The following RBFOX1 variants were observed in gnomAD, a reference collection of about 807,000 sequenced individuals.
RBFOX1 encodes RNA binding protein fox-1 homolog 1.
In RBFOX1, 8 loss-of-function variants were observed where a neutral mutation model predicts 57.7. The ratio of observed to expected loss-of-function variants is 0.14; its 90% CI spans 0.08 to 0.25. The LOEUF (loss-of-function observed/expected upper bound fraction) is 0.25, where lower values mean the gene tolerates loss of function less well. Ranked by LOEUF, RBFOX1 falls within the 10% of genes least tolerant of loss-of-function variation. The pLI, the probability that RBFOX1 is intolerant of heterozygous loss-of-function variation, is 1.00. For synonymous variants in RBFOX1, 326 were observed against 222.4 expected (o/e 1.47, Z -4.15); for missense variants, 611 against 548.5 (o/e 1.11, Z -1.14).
chr16:5,330,931 G>T (rs1392191903), intron 1 of RBFOX1, among the ~76,000 whole-genome samples: 1 of 151,996 alleles, frequency 6.6e-6, no homozygotes, highest in African/African-American at 2.4e-5. Context: ...TCCCTTCTCA[G>T]AACAGGGATA....
chr16:6,904,912 C>T (rs892676538), intron 3 of RBFOX1, among the ~76,000 whole-genome samples: 16 of 152,190 alleles, frequency 1.1e-4, no homozygotes, highest in Non-Finnish European at 1.9e-4. Flanking sequence ...TTCCCAATTC[C>T]CTCAGACAAC....
rs547284503 is a variant in RBFOX1, at chr16:7,558,148, G to A, written c.271-21629G>A. Among the ~76,000 whole-genome samples, 7 of 152,180 alleles carry A rather than the reference G, an allele frequency of 4.6e-5. No homozygotes were observed. In the South Asian group the frequency reaches 8.3e-4, roughly 18 times the overall value. ...GGTGGTAGATCACTGGAACCCAGGA[G>A]TTCAAGATCACCCTGGGAAACATGG... is the stretch of plus-strand genomic sequence containing the variant. On this transcript the variant is annotated intron_variant, in intron 5 of 15. Transcript: ENST00000550418.
At chr16:7,238,475 G>A (rs996204698) in intron 4 of RBFOX1, among the ~76,000 whole-genome samples, 1 of 152,050 alleles carries the variant, frequency 6.6e-6, no homozygotes, top group Admixed American at 6.6e-5. Context: ...TCCCCTTCCT[G>A]CAATATTTAC....
At chr16:7,423,728 C>T (rs747019699) in intron 4 of RBFOX1, among the ~76,000 whole-genome samples, 2 of 152,142 alleles carry the variant, frequency 1.3e-5, no homozygotes, top group African/African-American at 4.8e-5. Flanking sequence ...ACTTTCTTTT[C>T]CACATTATGT....
Position 6,659,217 on chromosome 16 carries a change from T to C in RBFOX1, c.-16+4567T>C, listed in dbSNP as rs114186964. On this transcript the variant is annotated intron_variant, in intron 3 of 15. Transcript: ENST00000550418. ...TGATGGATCAGTCAGGGGGAGAATCTGTCAAGAGGAGACGAGAGCCCATTT... is the reference window on the plus strand; with the variant it reads ...TGATGGATCAGTCAGGGGGAGAATCCGTCAAGAGGAGACGAGAGCCCATTT... Among the ~76,000 whole-genome samples the C allele has an allele frequency of 5.4e-3, 699 of 129,842 alleles. 8 individuals carry two copies. The highest frequency in any genetic ancestry group is 0.019 in the African/African-American group (631 of 33,870). 85.2% of individuals were successfully genotyped at this position (129,842 alleles called of 152,430 possible).
chr16:7,296,799 T>C (rs555854008), intron 4 of RBFOX1, among the ~76,000 whole-genome samples: 1 of 152,266 alleles, frequency 6.6e-6, no homozygotes, highest in African/African-American at 2.4e-5. Flanking sequence ...ACATTCATGG[T>C]GTTTCCTAGG....
In RBFOX1 at chr16:7,384,172, C is replaced by CAT. The variant is rs980413601; in HGVS notation, c.28-133966_28-133965dup. 6.0e-5 allele frequency among the ~76,000 whole-genome samples: 9 copies of CAT among 151,230 alleles called. No individual in the cohort carries two copies. The South Asian group carries it at 1.3e-3, about 21-fold the overall frequency. On this transcript the variant is annotated intron_variant, in intron 4 of 15. Transcript: ENST00000550418. The stretch of plus-strand genomic sequence containing the variant: ...GATATGTATGCTTATCTGTGCTTTT[C>CAT]ATATATATATGAAACATATATGAAA...
intron 4 of RBFOX1, among the ~76,000 whole-genome samples, chr16:7,370,213 G>A (rs764408159): frequency 6.6e-6 from 1 of 152,150 alleles, no homozygotes; most frequent in Non-Finnish European, 1.5e-5. Flanking sequence ...ATTGTCCCCT[G>A]GGGAGGGGAA....
intron 4 of RBFOX1, among the ~76,000 whole-genome samples, chr16:7,271,956 G>A (rs2095328490): frequency 1.3e-5 from 2 of 152,098 alleles, no homozygotes; most frequent in Admixed American, 1.3e-4. Flanking sequence ...CTTTTCTGTG[G>A]TATCACCACC....
chr16:7,134,373 G>A (rs1048376932), intron 4 of RBFOX1, among the ~76,000 whole-genome samples: 2 of 152,138 alleles, frequency 1.3e-5, no homozygotes, highest in Non-Finnish European at 2.9e-5. Context: ...CTTTAACATC[G>A]CTCTGGGAGA....
At chr16:7,318,320 G>A (rs944194583) in intron 4 of RBFOX1, among the ~76,000 whole-genome samples, 6 of 151,820 alleles carry the variant, frequency 4.0e-5, no homozygotes, top group Admixed American at 6.6e-5. Flanking sequence ...TGGTGGCTCT[G>A]GTGGTGGTAG....
At chr16:6,872,532 TG>T (rs1363733359) in intron 3 of RBFOX1, among the ~76,000 whole-genome samples, 7 of 152,334 alleles carry the variant, frequency 4.6e-5, no homozygotes, top group African/African-American at 1.4e-4. Flanking sequence ...TTTGAAAGTC[TG>T]GTTCCTGTTT....
chr16:7,068,118 T>C (rs560278896), intron 4 of RBFOX1, among the ~76,000 whole-genome samples: 1 of 152,172 alleles, frequency 6.6e-6, no homozygotes, highest in South Asian at 2.1e-4. Context: ...TTACGTTGGG[T>C]CCACCCAGAT....
chr16:7,018,989 G>C (rs1024953926), intron 3 of RBFOX1, among the ~76,000 whole-genome samples: 1 of 151,200 alleles, frequency 6.6e-6, no homozygotes, highest in Non-Finnish European at 1.5e-5. Flanking sequence ...AAATAAATAA[G>C]CAAAGAAGAA....
At chr16:7,332,987 A>C in intron 4 of RBFOX1, 2 of 1,613,478 alleles carry the variant, frequency 1.2e-6, no homozygotes, top group Non-Finnish European at 1.7e-6. Context: ...AGGGAATAAT[A>C]ACTCTACGTA....
intron 3 of RBFOX1, among the ~76,000 whole-genome samples, chr16:6,915,622 G>A (rs2072958819): frequency 6.8e-6 from 1 of 147,348 alleles, no homozygotes; most frequent in African/African-American, 2.5e-5. Flanking sequence ...ATGATCTCAG[G>A]TCACTGCAAC....
chr16:7,142,747 G>A lies in RBFOX1; in HGVS notation c.27+90649G>A, dbSNP rs564487886. Among the ~76,000 whole-genome samples the A allele has an allele frequency of 5.3e-5, 8 of 152,224 alleles. No individual in the cohort carries two copies. In the South Asian group the frequency reaches 1.0e-3, roughly 20 times the overall value. On this transcript the variant is annotated intron_variant, in intron 4 of 15. Transcript: ENST00000550418. ...CATTCCAGTGAGAACCACCTCTACT[G>A]TTTTGTATATGACATTCCCAATGCC...
chr16:6,612,847 CTCA>C (rs2098082550), intron 2 of RBFOX1, among the ~76,000 whole-genome samples: 1 of 42,354 alleles, frequency 2.4e-5, no homozygotes, highest in African/African-American at 9.5e-5. Context: ...GAGACTCTCT[CTCA>C]AAAAAAAAAA....
chr16:5,375,254 A>G (rs1032004776), intron 1 of RBFOX1, among the ~76,000 whole-genome samples: 8 of 152,208 alleles, frequency 5.3e-5, no homozygotes, highest in South Asian at 2.1e-4. Context: ...TCTAAAATCA[A>G]TTGACCATGG....
Sources: allele counts gnomAD v4.1 joint callset (sites outside exome capture counted in the v4.1 genomes callset), GRCh38; gene constraint gnomAD v4.1.1; transcripts MANE v1.5; gene names NCBI Gene and HGNC (gene_info 2026-07-23, HGNC 2026-07-21).